Variants in DYNC1I1 observed in about 807,000 individuals in gnomAD.
The protein encoded by DYNC1I1 is dynein cytoplasmic 1 intermediate chain 1.
In DYNC1I1, 43 loss-of-function variants were observed where a neutral mutation model predicts 86.6. That is an observed-to-expected ratio of 0.50 (90% CI 0.39 to 0.64). The LOEUF is 0.64. Among genes scored for constraint, DYNC1I1 ranks in the 30% least tolerant of loss-of-function variants. The pLI is 0.00. For synonymous variants in DYNC1I1, 262 were observed against 283.7 expected (o/e 0.92, Z 0.77); for missense variants, 604 against 788.8 (o/e 0.77, Z 2.81).
chr7:95,898,368 C>G lies in DYNC1I1; in HGVS notation c.490+28370C>G, dbSNP rs17167234. 1.3e-3 allele frequency among the ~76,000 whole-genome samples: 193 copies of G among 145,456 alleles called. 2 individuals carry two copies. The East Asian group carries it at 0.025, about 19-fold the overall frequency. On this transcript the variant is annotated intron_variant, in intron 6 of 16. Coordinates refer to ENST00000447467, the MANE Select transcript of DYNC1I1 (RefSeq NM_001135556.2). ...TAGTGAAGCATCTCAGAACAAGACT[C>G]TGATCTGTCCCTGGTTTAGATAACA...
chr7:95,894,603 C>G (rs1355764776), intron 6 of DYNC1I1, among the ~76,000 whole-genome samples: 6 of 152,128 alleles, frequency 3.9e-5, no homozygotes, highest in Non-Finnish European at 1.5e-5. Context: ...AAAGTAATCA[C>G]AGTTTAAATT....
At chr7:96,088,001 TA>T (rs1455991810) in intron 16 of DYNC1I1, among the ~76,000 whole-genome samples, 1 of 152,160 alleles carries the variant, frequency 6.6e-6, no homozygotes, top group Non-Finnish European at 1.5e-5. Flanking sequence ...GTGCTTAATT[TA>T]AAAAAGAAAA....
intron 16 of DYNC1I1, among the ~76,000 whole-genome samples, chr7:96,083,426 A>T (rs1790581290): frequency 6.8e-6 from 1 of 146,930 alleles, no homozygotes. Context: ...TGACTTCCCT[A>T]CATCTGAGGC....
Position 96,097,899 on chromosome 7 carries a change from T to C in DYNC1I1, c.*306T>C, listed in dbSNP as rs2116337192. On this transcript the variant is annotated 3_prime_UTR_variant, in exon 17 of 17. Coordinates refer to ENST00000447467, the MANE Select transcript of DYNC1I1 (RefSeq NM_001135556.2). Reference sequence around the variant, plus strand: ...GTATTTAATAGCTGGAAACCTCTGGTTAAATTTGTGCTTACATGCACTCCT... The same window carrying C: ...GTATTTAATAGCTGGAAACCTCTGGCTAAATTTGTGCTTACATGCACTCCT... 6 of 1,084,464 alleles carry C rather than the reference T, an allele frequency of 5.5e-6. No homozygotes were observed. The highest frequency in any genetic ancestry group is 6.7e-6 in the Non-Finnish European group (6 of 889,128). 67.2% of individuals were successfully genotyped at this position (1,084,464 alleles called of 1,614,324 possible).
intron 9 of DYNC1I1, among the ~76,000 whole-genome samples, chr7:95,988,549 T>G (rs1239518874): frequency 6.6e-6 from 1 of 152,106 alleles, no homozygotes; most frequent in Non-Finnish European, 1.5e-5. Flanking sequence ...GTAAGTAACA[T>G]GCAAAGGCAC....
intron 6 of DYNC1I1, among the ~76,000 whole-genome samples, chr7:95,924,097 T>C (rs1791680341): frequency 6.6e-6 from 1 of 152,154 alleles, no homozygotes; most frequent in Non-Finnish European, 1.5e-5. Flanking sequence ...TTGGAAAGCA[T>C]ACATGGGCAC....
At chr7:96,087,702 C>G (rs1385916027) in intron 16 of DYNC1I1, among the ~76,000 whole-genome samples, 1 of 152,130 alleles carries the variant, frequency 6.6e-6, no homozygotes, top group Non-Finnish European at 1.5e-5. Flanking sequence ...ATCTAGATAG[C>G]AGTTGATGGC....
chr7:95,846,860 A>G (rs1190383266), intron 5 of DYNC1I1, among the ~76,000 whole-genome samples: 1 of 152,226 alleles, frequency 6.6e-6, no homozygotes, highest in Non-Finnish European at 1.5e-5. Flanking sequence ...CTGTCATATT[A>G]CATGAGTTCC....
chr7:95,854,338 G>A (rs955255885), intron 5 of DYNC1I1, among the ~76,000 whole-genome samples: 1 of 151,864 alleles, frequency 6.6e-6, no homozygotes, highest in Non-Finnish European at 1.5e-5. Context: ...TTACCATGAG[G>A]CTTACAGCAA....
At chr7:95,983,338 G>C (rs967816133) in intron 7 of DYNC1I1, among the ~76,000 whole-genome samples, 5 of 152,144 alleles carry the variant, frequency 3.3e-5, no homozygotes, top group Non-Finnish European at 5.9e-5. Flanking sequence ...GAAACTATGA[G>C]GTGGGGTGTG....
chr7:95,995,116 C>T (rs1988397), intron 9 of DYNC1I1, among the ~76,000 whole-genome samples: 2 of 151,650 alleles, frequency 1.3e-5, no homozygotes, highest in African/African-American at 2.4e-5. Context: ...GCGTGGTGGC[C>T]GGCGCCTGTA....
chr7:95,856,761 A>T (rs1263317485), intron 5 of DYNC1I1, among the ~76,000 whole-genome samples: 1 of 152,000 alleles, frequency 6.6e-6, no homozygotes, highest in East Asian at 1.9e-4. Flanking sequence ...CAGGTGGATC[A>T]CGAGGTCAGA....
chr7:95,774,327 C>T (rs1793785994), intron 1 of DYNC1I1, among the ~76,000 whole-genome samples: 1 of 132,774 alleles, frequency 7.5e-6, no homozygotes, highest in African/African-American at 2.6e-5. Flanking sequence ...AATGCACTTG[C>T]TTCCTCCTTC....
intron 5 of DYNC1I1, among the ~76,000 whole-genome samples, chr7:95,838,267 AG>A (rs1412871648): frequency 6.6e-6 from 1 of 152,206 alleles, no homozygotes; most frequent in Non-Finnish European, 1.5e-5. Context: ...ATGGATATTT[AG>A]TATTCCCAAC....
intron 6 of DYNC1I1, among the ~76,000 whole-genome samples, chr7:95,955,396 C>T (rs1003264076): frequency 3.9e-5 from 6 of 151,998 alleles, no homozygotes; most frequent in African/African-American, 7.3e-5. Flanking sequence ...AGTCGTAGCT[C>T]GCTGCAGCCT....
intron 14 of DYNC1I1, among the ~76,000 whole-genome samples, chr7:96,063,156 A>G (rs943979532): frequency 2.6e-5 from 4 of 151,562 alleles, no homozygotes; most frequent in African/African-American, 9.7e-5. Flanking sequence ...CTTTCATTAC[A>G]GGCAGCCTGC....
intron 5 of DYNC1I1, among the ~76,000 whole-genome samples, chr7:95,855,322 C>T (rs529803631): frequency 1.3e-5 from 2 of 152,224 alleles, no homozygotes; most frequent in East Asian, 1.9e-4. Flanking sequence ...TAGTCATATT[C>T]GAAATCCATT....
chr7:95,831,101 C>T (rs368506506), intron 5 of DYNC1I1, among the ~76,000 whole-genome samples: 2 of 151,960 alleles, frequency 1.3e-5, no homozygotes, highest in South Asian at 2.1e-4. Flanking sequence ...TTTGAAAGTT[C>T]TTCGTATGTT....
intron 16 of DYNC1I1, among the ~76,000 whole-genome samples, chr7:96,083,912 G>A (rs777855820): frequency 2.0e-5 from 3 of 152,162 alleles, no homozygotes; most frequent in African/African-American, 7.2e-5. Flanking sequence ...GATAAGCTTT[G>A]TAATACAATC....
Sources: allele counts gnomAD v4.1 joint callset (sites outside exome capture counted in the v4.1 genomes callset), GRCh38; gene constraint gnomAD v4.1.1; transcripts MANE v1.5; gene names NCBI Gene and HGNC (gene_info 2026-07-23, HGNC 2026-07-21).